The following LRP1B variants were observed in gnomAD, a reference collection of about 807,000 sequenced individuals.
LRP1B encodes the protein low-density lipoprotein receptor-related protein 1B.
A neutral mutation model predicts 556.6 loss-of-function variants in LRP1B; 217 were observed. The ratio of observed to expected loss-of-function variants is 0.39; its 90% CI spans 0.35 to 0.44. LRP1B has a LOEUF of 0.44. Ranked by LOEUF, LRP1B falls within the 20% of genes least tolerant of loss-of-function variation. LRP1B has a pLI of 1.00. For synonymous variants in LRP1B, 2,047 were observed against 1,865.8 expected (o/e 1.10, Z -2.50); for missense variants, 5,053 against 5,620.8 (o/e 0.90, Z 3.23).
chr2:141,582,917 C>G (rs1687001418), intron 2 of LRP1B, among the ~76,000 whole-genome samples: 1 of 139,838 alleles, frequency 7.2e-6, no homozygotes, highest in Non-Finnish European at 1.5e-5. Flanking sequence ...CTCACTGCAA[C>G]CTCCGCCTCC....
intron 1 of LRP1B, among the ~76,000 whole-genome samples, chr2:141,893,680 C>T (rs750848251): frequency 2.6e-5 from 4 of 152,104 alleles, no homozygotes; most frequent in South Asian, 2.1e-4. Flanking sequence ...GGTTTTTCCA[C>T]GGGACAAAAA....
At chr2:141,943,355 A>G (rs927954622) in intron 1 of LRP1B, among the ~76,000 whole-genome samples, 1 of 152,206 alleles carries the variant, frequency 6.6e-6, no homozygotes, top group Non-Finnish European at 1.5e-5. Context: ...GTTACAATTT[A>G]CATCTCACTT....
At chr2:141,386,770 G>T (rs1245280803) in intron 3 of LRP1B, among the ~76,000 whole-genome samples, 4 of 152,006 alleles carry the variant, frequency 2.6e-5, no homozygotes, top group Non-Finnish European at 5.9e-5. Context: ...TACAATAATA[G>T]TTGGAGACTT....
chr2:140,376,245 TA>T (rs1683223283), intron 68 of LRP1B, among the ~76,000 whole-genome samples: 2 of 152,186 alleles, frequency 1.3e-5, no homozygotes, highest in African/African-American at 4.8e-5. Context: ...TACATGGTAA[TA>T]AGGATATCTA....
chr2:141,837,031 A>T (rs1697305496), intron 1 of LRP1B, among the ~76,000 whole-genome samples: 1 of 151,978 alleles, frequency 6.6e-6, no homozygotes, highest in Admixed American at 6.6e-5. Context: ...TATTTTGGTG[A>T]GATGGAGGTG....
At chr2:140,938,458 G>GT (rs1447084798) in intron 20 of LRP1B, among the ~76,000 whole-genome samples, 2 of 152,080 alleles carry the variant, frequency 1.3e-5, no homozygotes, top group African/African-American at 4.8e-5. Flanking sequence ...GTGATCTGTA[G>GT]TAAGTAGAAA....
intron 1 of LRP1B, among the ~76,000 whole-genome samples, chr2:141,890,336 A>ATATATATATATATATATATG (rs1553480471): frequency 8.2e-6 from 1 of 122,536 alleles, no homozygotes; most frequent in African/African-American, 4.0e-5. Flanking sequence ...ATATATATAT[A>ATATATATATATATATATATG]TATATATATA....
chr2:141,656,969 C>A (rs112146248), intron 2 of LRP1B, among the ~76,000 whole-genome samples: 1 of 152,092 alleles, frequency 6.6e-6, no homozygotes, highest in Non-Finnish European at 1.5e-5. Context: ...CCAGTTTACA[C>A]AAATATTACA....
intron 5 of LRP1B, among the ~76,000 whole-genome samples, chr2:141,232,142 G>A (rs1683495308): frequency 6.6e-6 from 1 of 152,050 alleles, no homozygotes; most frequent in Admixed American, 6.6e-5. Context: ...TGTTTCACTT[G>A]CCCTTGTCAT....
chr2:141,832,411 T>C (rs1269389848), intron 1 of LRP1B, among the ~76,000 whole-genome samples: 3 of 150,862 alleles, frequency 2.0e-5, no homozygotes, highest in Admixed American at 6.6e-5. Flanking sequence ...TAGGCAGAAA[T>C]AGTAGTATAT....
chr2:141,449,218 T>G (rs1681314265), intron 3 of LRP1B, among the ~76,000 whole-genome samples: 1 of 152,196 alleles, frequency 6.6e-6, no homozygotes, highest in Non-Finnish European at 1.5e-5. Flanking sequence ...AAATCCTAAA[T>G]TTTTGCTTAA....
chr2:141,706,974 T>C (rs1161082056), intron 2 of LRP1B, among the ~76,000 whole-genome samples: 1 of 152,148 alleles, frequency 6.6e-6, no homozygotes, highest in Non-Finnish European at 1.5e-5. Context: ...ATTATTTCAA[T>C]TTATTCCTCT....
intron 2 of LRP1B, among the ~76,000 whole-genome samples, chr2:141,602,123 G>T (rs1402251095): frequency 6.6e-6 from 1 of 151,838 alleles, no homozygotes; most frequent in African/African-American, 2.4e-5. Context: ...CTGTATCCGT[G>T]GAAGTTGAAT....
intron 47 of LRP1B, 110 bp from the exon 48 acceptor site, chr2:140,526,460 G>C (rs551328391): frequency 4.4e-5 from 34 of 775,616 alleles, no homozygotes; most frequent in African/African-American, 4.4e-4. Context: ...TTTTGCTTTC[G>C]TAACTCTGGG....
intron 14 of LRP1B, among the ~76,000 whole-genome samples, chr2:141,012,599 T>A (rs568353053): frequency 1.3e-5 from 2 of 152,126 alleles, no homozygotes; most frequent in African/African-American, 4.8e-5. Context: ...TATCAGCTAT[T>A]GATATTTCTC....
At chr2:141,464,598 A>ATTTTTT (rs199589153) in intron 3 of LRP1B, among the ~76,000 whole-genome samples, 13 of 73,286 alleles carry the variant, frequency 1.8e-4, no homozygotes, top group Non-Finnish European at 2.3e-4. Context: ...ATATATATAT[A>ATTTTTT]TATATATATT....
rs549029502 is a variant in LRP1B, at chr2:141,859,767, G to A, written c.83-49366C>T. ...ACATCACATTGTATCACATAAGTAT[G>A]TACAATTATGTGTCCAAAAGTATAT... is the stretch of plus-strand genomic sequence containing the variant. On this transcript the variant is annotated intron_variant, in intron 1 of 90. Coordinates refer to ENST00000389484, the MANE Select transcript of LRP1B (RefSeq NM_018557.3). Among the ~76,000 whole-genome samples, 14 of 152,196 alleles carry A rather than the reference G, an allele frequency of 9.2e-5. No homozygotes were observed. In the East Asian group the frequency reaches 2.5e-3, roughly 27 times the overall value.
chr2:140,926,462 C>G (rs960558725), intron 20 of LRP1B, among the ~76,000 whole-genome samples: 9 of 152,014 alleles, frequency 5.9e-5, no homozygotes, highest in African/African-American at 2.2e-4. Flanking sequence ...CCACCTCAGC[C>G]TCTCAAGTAG....
rs372993051 is a variant in LRP1B, at chr2:141,391,489, A to G, written c.343+88907T>C. Among the ~76,000 whole-genome samples, 10 of 152,080 alleles carry G rather than the reference A, an allele frequency of 6.6e-5. No homozygotes were observed. In the South Asian group the frequency reaches 1.7e-3, roughly 25 times the overall value. On this transcript the variant is annotated intron_variant, in intron 3 of 90. Transcript: ENST00000389484. ...ATGGTGGCGTGTTTGAGAAGCTGAC[A>G]AAACTTCAATAAGGTTGGAAAAAAA...
Sources: gnomAD v4.1 joint callset for allele counts (sites outside exome capture counted in the v4.1 genomes callset) on GRCh38, gnomAD v4.1.1 for gene constraint, MANE v1.5 for transcripts, NCBI Gene and HGNC (gene_info 2026-07-23, HGNC 2026-07-21) for gene names.